Variants in FGD4 observed in about 807,000 individuals in gnomAD.
The protein encoded by FGD4 is FYVE, RhoGEF and PH domain-containing protein 4.
FGD4 carries 42 observed loss-of-function variants against 102.0 expected under a neutral mutation model. The observed-to-expected ratio is 0.41, with a 90% CI of 0.32 to 0.53. FGD4 has a LOEUF of 0.53. Ranked by LOEUF, FGD4 falls within the 20% of genes least tolerant of loss-of-function variation. The probability of loss-of-function intolerance (pLI) is 0.21; values close to 1 mark genes in which losing one functional copy is unlikely to be tolerated. For synonymous variants in FGD4, 380 were observed against 375.7 expected (o/e 1.01, Z -0.13); for missense variants, 902 against 1,078.2 (o/e 0.84, Z 2.29).
intron 4 of FGD4, among the ~76,000 whole-genome samples, chr12:32,594,788 T>C (rs898199782): frequency 1.3e-5 from 2 of 152,126 alleles, no homozygotes; most frequent in Non-Finnish European, 2.9e-5. Context: ...TCCCAGCACT[T>C]TGGGAGGCCA....
At chr12:32,603,198 C>A (rs896133400) in intron 7 of FGD4, among the ~76,000 whole-genome samples, 4 of 152,122 alleles carry the variant, frequency 2.6e-5, no homozygotes, top group Non-Finnish European at 5.9e-5. Flanking sequence ...AAAAATGTAT[C>A]TATAAGTCTA....
intron 1 of FGD4, among the ~76,000 whole-genome samples, chr12:32,557,241 TTTA>T (rs1211871354): frequency 6.6e-6 from 1 of 152,208 alleles, no homozygotes; most frequent in African/African-American, 2.4e-5. Context: ...TAAATACATT[TTTA>T]TTATAAAAGA....
chr12:32,400,920 G>A (rs770268185), intron 1 of FGD4, among the ~76,000 whole-genome samples: 10 of 152,168 alleles, frequency 6.6e-5, no homozygotes, highest in Non-Finnish European at 1.3e-4. Context: ...ACTTGTAGTA[G>A]GCATAGAGCA....
At chr12:32,482,947 A>G (rs1591987766) in intron 1 of FGD4, among the ~76,000 whole-genome samples, 1 of 152,232 alleles carries the variant, frequency 6.6e-6, no homozygotes, top group Non-Finnish European at 1.5e-5. Context: ...TTCAACACCT[A>G]TTAATGACTT....
intron 1 of FGD4, among the ~76,000 whole-genome samples, chr12:32,491,349 C>T (rs1329599512): frequency 2.0e-5 from 3 of 151,998 alleles, no homozygotes; most frequent in African/African-American, 7.3e-5. Flanking sequence ...TGTTCCCAGC[C>T]CAGGAACCAC....
At chr12:32,430,867 A>G (rs1367629596) in intron 1 of FGD4, among the ~76,000 whole-genome samples, 3 of 152,250 alleles carry the variant, frequency 2.0e-5, no homozygotes, top group Non-Finnish European at 4.4e-5. Context: ...TTTATAGAAA[A>G]TGGTAAACTC....
At chr12:32,613,610 G>T (rs1310974485) in intron 10 of FGD4, among the ~76,000 whole-genome samples, 2 of 151,978 alleles carry the variant, frequency 1.3e-5, no homozygotes, top group Non-Finnish European at 2.9e-5. Context: ...TTAAAAATTA[G>T]CTGGGCATGG....
chr12:32,616,707 G>A (rs1949470006), intron 10 of FGD4, among the ~76,000 whole-genome samples: 1 of 152,148 alleles, frequency 6.6e-6, no homozygotes, highest in African/African-American at 2.4e-5. Context: ...ACTGTATTTA[G>A]AATCTGCTAT....
At chr12:32,449,874 T>C (rs1001247389) in intron 1 of FGD4, among the ~76,000 whole-genome samples, 4 of 152,052 alleles carry the variant, frequency 2.6e-5, no homozygotes, top group Non-Finnish European at 5.9e-5. Context: ...AAGTAGCTGG[T>C]TCCACAGGCA....
At chr12:32,417,871 C>T (rs562551414) in intron 1 of FGD4, among the ~76,000 whole-genome samples, 112 of 151,566 alleles carry the variant, frequency 7.4e-4, no homozygotes, top group Middle Eastern at 3.4e-3. Flanking sequence ...CTTTGAGTTT[C>T]CTTACCACAG....
intron 1 of FGD4, among the ~76,000 whole-genome samples, chr12:32,469,859 A>G (rs1245981405): frequency 6.6e-6 from 1 of 151,638 alleles, no homozygotes; most frequent in Non-Finnish European, 1.5e-5. Context: ...GGGTTTCTCC[A>G]TGTTGGTCAG....
At chr12:32,500,094 T>C (rs1459315608) in intron 1 of FGD4, among the ~76,000 whole-genome samples, 4 of 152,210 alleles carry the variant, frequency 2.6e-5, no homozygotes, top group African/African-American at 9.6e-5. Context: ...CTGTTTTTCC[T>C]CCCACTTCTG....
intron 15 of FGD4, among the ~76,000 whole-genome samples, chr12:32,634,291 A>G (rs918018528): frequency 6.6e-6 from 1 of 152,004 alleles, no homozygotes; most frequent in African/African-American, 2.4e-5. Context: ...GAAAGCTTTT[A>G]CTCTCAATTT....
intron 1 of FGD4, among the ~76,000 whole-genome samples, chr12:32,497,526 G>A (rs1173474827): frequency 6.6e-6 from 1 of 152,058 alleles, no homozygotes; most frequent in Non-Finnish European, 1.5e-5. Flanking sequence ...AGGCTTTTTG[G>A]GTTCACTGAT....
chr12:32,520,052 G>C (rs1940339593), intron 1 of FGD4, among the ~76,000 whole-genome samples: 1 of 152,148 alleles, frequency 6.6e-6, no homozygotes, highest in Non-Finnish European at 1.5e-5. Flanking sequence ...ATGGAAATTT[G>C]CCAGAATAAT....
chr12:32,600,275 G>T (rs140020930), intron 5 of FGD4: 22 of 234,508 alleles, frequency 9.4e-5, no homozygotes, highest in African/African-American at 3.0e-4. Context: ...TTATCAAGTT[G>T]TGTGGTTTTC....
At chr12:32,450,037 A>T (rs1942730254) in intron 1 of FGD4, among the ~76,000 whole-genome samples, 1 of 151,724 alleles carries the variant, frequency 6.6e-6, no homozygotes, top group Admixed American at 6.6e-5. Flanking sequence ...GGTTCAAGCG[A>T]TTCTTTTGCC....
intron 1 of FGD4, among the ~76,000 whole-genome samples, chr12:32,406,221 C>T (rs560927783): frequency 9.9e-5 from 15 of 152,154 alleles, no homozygotes; most frequent in African/African-American, 2.6e-4. Flanking sequence ...GGATTACAGG[C>T]GTGAGCCACT....
At chr12:32,460,502 C>CAAAA (rs111317093) in intron 1 of FGD4, among the ~76,000 whole-genome samples, 1 of 127,404 alleles carries the variant, frequency 7.8e-6, no homozygotes. Flanking sequence ...GACCCGGTCT[C>CAAAA]AAAAAAAAAA....
Sources: gnomAD v4.1 joint callset for allele counts (sites outside exome capture counted in the v4.1 genomes callset) on GRCh38, gnomAD v4.1.1 for gene constraint, MANE v1.5 for transcripts, NCBI Gene and HGNC (gene_info 2026-07-23, HGNC 2026-07-21) for gene names.